NTRK3: variants seen among roughly 807,000 people sequenced by gnomAD.
NTRK3 encodes the protein NT-3 growth factor receptor.
A neutral mutation model predicts 91.7 loss-of-function variants in NTRK3; 24 were observed. The observed-to-expected ratio is 0.26, with a 90% CI of 0.19 to 0.37. The LOEUF is 0.37. Among genes scored for constraint, NTRK3 ranks in the 10% least tolerant of loss-of-function variants. NTRK3 has a pLI of 1.00. For missense variants in NTRK3, 880 were observed against 1,068.9 expected (o/e 0.82, Z 2.46); for synonymous variants, 483 against 404.0 (o/e 1.20, Z -2.34).
In NTRK3 at chr15:88,237,822, A is replaced by C. The variant is rs2051938272; in HGVS notation, c.248+18084T>G. On this transcript the variant is annotated intron_variant, in intron 3 of 18. Transcript: ENST00000394480. The surrounding 1 kb of genome is among the most constrained non-coding windows in gnomAD (Gnocchi z 4.0). ...CTTCCACAGAATTCTGCACTCAGAA[A>C]ATCTAAAAATGGTGCTTTAAATTTC... Among the ~76,000 whole-genome samples, 1 of 152,232 alleles carries C rather than the reference A, an allele frequency of 6.6e-6. No individual in the cohort carries two copies. The highest frequency in any genetic ancestry group is 2.4e-5 in the African/African-American group (1 of 41,460).
chr15:87,937,264 C>G (rs1048814091), intron 15 of NTRK3, among the ~76,000 whole-genome samples: 10 of 152,108 alleles, frequency 6.6e-5, no homozygotes, highest in African/African-American at 2.4e-4. Context: ...ACTAAACCTG[C>G]TAATGTAATT....
At chr15:88,117,277 T>C (rs2052198992) in intron 13 of NTRK3, among the ~76,000 whole-genome samples, 1 of 152,196 alleles carries the variant, frequency 6.6e-6, no homozygotes, top group African/African-American at 2.4e-5. Context: ...ATCTTTAAAG[T>C]GGGAATAATA....
At chr15:88,195,651 C>A (rs2047751938) in intron 3 of NTRK3, among the ~76,000 whole-genome samples, 1 of 152,244 alleles carries the variant, frequency 6.6e-6, no homozygotes, top group African/African-American at 2.4e-5. Flanking sequence ...GATTATAAAA[C>A]CTCTGATCCT....
At chr15:88,126,531 T>C (rs1230692195) in intron 12 of NTRK3, among the ~76,000 whole-genome samples, 158 bp from the exon 13 acceptor site, 2 of 152,172 alleles carry the variant, frequency 1.3e-5, no homozygotes, top group Non-Finnish European at 2.9e-5. Context: ...AGAAGAAATA[T>C]ATGAGACCCT....
chr15:87,988,775 A>G (rs1440750051), intron 14 of NTRK3, among the ~76,000 whole-genome samples: 2 of 152,208 alleles, frequency 1.3e-5, no homozygotes, highest in African/African-American at 4.8e-5. Flanking sequence ...AATCTTCACA[A>G]TAAGGATAAT....
intron 13 of NTRK3, among the ~76,000 whole-genome samples, chr15:88,113,311 CTTTTTTTTTTT>C (rs60232101): frequency 3.0e-4 from 33 of 111,654 alleles, no homozygotes; most frequent in African/African-American, 1.0e-3. Context: ...TGATCAATTT[CTTTTTTTTTTT>C]TTTTTTTTTT....
chr15:88,170,248 G>A (rs1472095476), intron 5 of NTRK3, among the ~76,000 whole-genome samples: 1 of 152,216 alleles, frequency 6.6e-6, no homozygotes, highest in Non-Finnish European at 1.5e-5. Flanking sequence ...CAGGGGGAAT[G>A]CTTGTTTCAG....
intron 14 of NTRK3, among the ~76,000 whole-genome samples, chr15:87,956,014 C>A (rs370985041): frequency 2.0e-5 from 3 of 151,922 alleles, no homozygotes; most frequent in African/African-American, 7.3e-5. Flanking sequence ...TAATAAGCCC[C>A]GTGGTGGGAC....
At chr15:88,163,485 T>C (rs1214745815) in intron 5 of NTRK3, among the ~76,000 whole-genome samples, 1 of 152,142 alleles carries the variant, frequency 6.6e-6, no homozygotes, top group African/African-American at 2.4e-5. Context: ...CATCCATCCA[T>C]CAAGCTCAGC....
chr15:88,223,457 G>A (rs575742200), intron 3 of NTRK3, among the ~76,000 whole-genome samples: 27 of 152,360 alleles, frequency 1.8e-4, no homozygotes, highest in African/African-American at 5.0e-4. Context: ...GGCAAAGGCC[G>A]TGGGCAACAA....
At chr15:87,925,281 C>T (rs182821984) in intron 17 of NTRK3, among the ~76,000 whole-genome samples, 12 of 152,290 alleles carry the variant, frequency 7.9e-5, no homozygotes, top group Admixed American at 5.2e-4. Context: ...CTTTGTAAAT[C>T]GTCTGTATAC....
At chr15:88,136,584 G>A (rs201894375) in exon 8 of NTRK3, 27 of 1,613,292 alleles carry the variant, frequency 1.7e-5, no homozygotes, top group South Asian at 4.4e-5. Flanking sequence ...TCAGGTTGAC[G>A]TGGCTCACGC....
intron 17 of NTRK3, among the ~76,000 whole-genome samples, chr15:87,918,041 C>T (rs1003629862): frequency 2.0e-5 from 3 of 151,942 alleles, no homozygotes; most frequent in African/African-American, 7.2e-5. Context: ...TCATAGTTGC[C>T]CCTTACAAAC....
intron 17 of NTRK3, among the ~76,000 whole-genome samples, chr15:87,898,774 T>G (rs1184167938): frequency 6.9e-6 from 1 of 145,706 alleles, no homozygotes; most frequent in East Asian, 2.0e-4. Flanking sequence ...TCACCTGAGG[T>G]CTGGAGTTCA....
chr15:88,129,840 C>G (rs1250182943), intron 10 of NTRK3, among the ~76,000 whole-genome samples: 1 of 152,158 alleles, frequency 6.6e-6, no homozygotes, highest in African/African-American at 2.4e-5. Context: ...TATACAGAAA[C>G]TGTAACCCCT....
chr15:88,065,253 C>A (rs1179047698), intron 13 of NTRK3, among the ~76,000 whole-genome samples: 1 of 152,180 alleles, frequency 6.6e-6, no homozygotes, highest in Non-Finnish European at 1.5e-5. Flanking sequence ...CTACCCACCA[C>A]CAGGAGCATC....
chr15:88,174,483 T>C (rs1232756709), intron 5 of NTRK3, among the ~76,000 whole-genome samples: 1 of 152,166 alleles, frequency 6.6e-6, no homozygotes, highest in Non-Finnish European at 1.5e-5. Flanking sequence ...CATATAGTCC[T>C]GACTCAAGCC....
intron 17 of NTRK3, among the ~76,000 whole-genome samples, chr15:87,897,913 G>T (rs1378271454): frequency 2.0e-5 from 3 of 152,182 alleles, no homozygotes; most frequent in Non-Finnish European, 4.4e-5. Context: ...AATGCTCTTT[G>T]CTAGCTAAGC....
At chr15:88,133,336 C>G (rs1334820864) in intron 10 of NTRK3, among the ~76,000 whole-genome samples, 1 of 152,232 alleles carries the variant, frequency 6.6e-6, no homozygotes, top group East Asian at 1.9e-4. Flanking sequence ...AACGGAGAAG[C>G]TGTATCCACC....
Sources: gnomAD v4.1 joint callset for allele counts (sites outside exome capture counted in the v4.1 genomes callset) on GRCh38, gnomAD v4.1.1 for gene constraint, Gnocchi (gnomAD v3.1) non-coding constraint, MANE v1.5 for transcripts, NCBI Gene and HGNC (gene_info 2026-07-23, HGNC 2026-07-21) for gene names.